The following AASS variants were observed in gnomAD, a reference collection of about 807,000 sequenced individuals.
AASS encodes the protein alpha-aminoadipic semialdehyde synthase, mitochondrial.
AASS carries 86 observed loss-of-function variants against 105.4 expected under a neutral mutation model. The ratio of observed to expected loss-of-function variants is 0.82; its 90% CI spans 0.69 to 0.98. AASS has a LOEUF of 0.98. Among genes scored for constraint, AASS ranks in the 50% least tolerant of loss-of-function variants. The pLI is 0.00. For missense variants in AASS, 1,048 were observed against 1,143.2 expected (o/e 0.92, Z 1.20); for synonymous variants, 381 against 394.8 (o/e 0.96, Z 0.41).
chr7:122,098,887 A>C (rs1408420474), intron 13 of AASS, 21 bp from the exon 14 acceptor site: 1 of 1,548,752 alleles, frequency 6.5e-7, no homozygotes, highest in East Asian at 2.3e-5. Flanking sequence ...AAAAAAAAAA[A>C]AAAAAAAAAG....
intron 2 of AASS, among the ~76,000 whole-genome samples, chr7:122,130,401 C>G (rs1795855631): frequency 6.6e-6 from 1 of 151,932 alleles, no homozygotes; most frequent in Non-Finnish European, 1.5e-5. Context: ...GGTTGAATGT[C>G]ATCATGGCTA....
At chr7:122,090,780 C>G (rs1793859250) in intron 18 of AASS, among the ~76,000 whole-genome samples, 1 of 152,134 alleles carries the variant, frequency 6.6e-6, no homozygotes, top group South Asian at 2.1e-4. Flanking sequence ...CTTGCCATCT[C>G]TTTAAGTGTA....
chr7:122,080,807 CT>C (rs1014804094), intron 20 of AASS, among the ~76,000 whole-genome samples: 3 of 151,962 alleles, frequency 2.0e-5, no homozygotes, highest in African/African-American at 2.4e-5. Context: ...AATACCAAAA[CT>C]TTTTTTTGAG....
In AASS at chr7:122,129,507, C is replaced by T. The variant is rs758599644; in HGVS notation, c.241G>A (p.Glu81Lys). ...ATTAGACAAGCTTCAGAAATATCCT[C>T]CTGAAGAATGCCACCAGCTTTGACA... ...DYVKAGGILQEDISEACLILG... is the reference protein window; with the variant it reads ...DYVKAGGILQKDISEACLILG... The change falls in exon 3 of 24, where the codon GAG becomes AAG. Residue 81 changes from glutamate to lysine, a missense_variant. Coordinates refer to ENST00000417368, the MANE Select transcript of AASS (RefSeq NM_005763.4). 1.2e-6 allele frequency: 2 copies of T among 1,613,148 alleles called. No homozygotes were observed. Among genetic ancestry groups the T allele is most frequent in the African/African-American group, 1.3e-5 (1 of 74,844 alleles).
At chr7:122,094,099 A>C (rs973387382) in intron 15 of AASS, among the ~76,000 whole-genome samples, 1 of 152,128 alleles carries the variant, frequency 6.6e-6, no homozygotes, top group Non-Finnish European at 1.5e-5. Flanking sequence ...AAGAGGGAAG[A>C]GATAAGAAGT....
intron 15 of AASS, among the ~76,000 whole-genome samples, chr7:122,096,974 T>A (rs1794183054): frequency 6.6e-6 from 1 of 152,128 alleles, no homozygotes; most frequent in Non-Finnish European, 1.5e-5. Context: ...CTATTTTGAA[T>A]CAGAATTTCT....
intron 19 of AASS, among the ~76,000 whole-genome samples, chr7:122,084,802 A>G (rs10236532): frequency 0.15 from 22,423 of 151,894 alleles, 1,882 homozygotes; most frequent in South Asian, 0.28. Flanking sequence ...AGATAAAAAG[A>G]TAATTAGAGA....
chr7:122,085,956 A>G, intron 19 of AASS, 56 bp downstream of exon 19: 4 of 1,578,106 alleles, frequency 2.5e-6, no homozygotes, highest in Non-Finnish European at 2.6e-6. Context: ...AATTAAGTGT[A>G]CACATCACTT....
chr7:122,123,351 G>C lies in AASS; in HGVS notation c.472+3024C>G, dbSNP rs150595553. On this transcript the variant is annotated intron_variant, in intron 4 of 23. Transcript: ENST00000417368. ...ATAATTTCTCCAGACAGAAAGCCAG[G>C]GTGAACATAGAGCTCACCTCATCTA... Among the ~76,000 whole-genome samples, 8 of 152,212 alleles carry C rather than the reference G, an allele frequency of 5.3e-5. No individual in the cohort carries two copies. In the East Asian group the frequency reaches 1.4e-3, roughly 26 times the overall value.
At chr7:122,139,175 T>C (rs1012982430) in intron 1 of AASS, among the ~76,000 whole-genome samples, 3 of 152,180 alleles carry the variant, frequency 2.0e-5, no homozygotes, top group Non-Finnish European at 4.4e-5. Context: ...AGAAAGTCTC[T>C]TGATAGAGTT....
intron 16 of AASS, 32 bp downstream of exon 16, chr7:122,093,016 C>A: frequency 6.2e-7 from 1 of 1,609,648 alleles, no homozygotes; most frequent in South Asian, 1.1e-5. Context: ...GCCATGGATC[C>A]ACTCAGTTTG....
At chr7:122,106,188 T>G (rs527788844) in intron 11 of AASS, among the ~76,000 whole-genome samples, 1 of 152,148 alleles carries the variant, frequency 6.6e-6, no homozygotes, top group Non-Finnish European at 1.5e-5. Flanking sequence ...TCTCTTCCTA[T>G]TTGAATGCTT....
intron 6 of AASS, 39 bp from the exon 7 acceptor site, chr7:122,116,996 G>C: frequency 6.4e-7 from 1 of 1,553,796 alleles, no homozygotes; most frequent in Non-Finnish European, 8.9e-7. Context: ...AAAATCAATA[G>C]AAAAAGAACC....
In AASS at chr7:122,074,205, C is replaced by A. The variant is rs1478694805; in HGVS notation, c.*2284G>T. Among the ~76,000 whole-genome samples, 2 of 152,080 alleles carry A rather than the reference C, an allele frequency of 1.3e-5. No individual in the cohort carries two copies. The highest frequency in any genetic ancestry group is 6.6e-5 in the Admixed American group (1 of 15,258). On this transcript the variant is annotated 3_prime_UTR_variant, in exon 24 of 24. Coordinates refer to ENST00000417368, the MANE Select transcript of AASS (RefSeq NM_005763.4). ...TTAAGTGATATCTCATTGTAGATCT[C>A]ATTTGCATTTCCCTGATGGCTAGTG...
chr7:122,106,435 C>A (rs1464428047), intron 11 of AASS, among the ~76,000 whole-genome samples: 1 of 151,766 alleles, frequency 6.6e-6, no homozygotes, highest in Non-Finnish European at 1.5e-5. Context: ...CAAAAAGAAG[C>A]AGAATAGCCA....
chr7:122,091,830 A>G lies in AASS; in HGVS notation c.1889T>C (p.Ile630Thr). The stretch of plus-strand genomic sequence containing the variant: ...GGCTGGAAGCCCACCACAGTAGGAA[A>G]TATATGATTCAATCTATAAATTAAA... The part of the protein sequence containing the change: ...KEVGATIESY[I>T]SYCGGLPAPE... The change falls in exon 18 of 24, where the codon ATT (isoleucine) becomes ACT (threonine). Residue 630 changes from isoleucine (I) to threonine (T), a missense_variant. Transcript: ENST00000417368. 3 of 1,606,852 alleles carry G rather than the reference A, an allele frequency of 1.9e-6. No homozygotes were observed. Among genetic ancestry groups the G allele is most frequent in the Non-Finnish European group, 2.6e-6 (3 of 1,173,844 alleles).
intron 3 of AASS, 60 bp from the exon 4 acceptor site, chr7:122,126,519 G>C: frequency 7.5e-7 from 1 of 1,326,420 alleles, no homozygotes; most frequent in Non-Finnish European, 1.1e-6. Context: ...AACAAGTAAA[G>C]ACATATATGA....
intron 15 of AASS, among the ~76,000 whole-genome samples, chr7:122,093,923 T>C (rs540187424): frequency 2.0e-5 from 3 of 152,256 alleles, no homozygotes; most frequent in Non-Finnish European, 4.4e-5. Flanking sequence ...AAGAATGAAA[T>C]AGTGTTCTTT....
intron 22 of AASS, among the ~76,000 whole-genome samples, chr7:122,078,544 A>G (rs1005421044): frequency 1.3e-5 from 2 of 151,498 alleles, no homozygotes; most frequent in Non-Finnish European, 2.9e-5. Flanking sequence ...CCTGGGAGGC[A>G]GAGGTACAGT....
Sources: allele counts gnomAD v4.1 joint callset (sites outside exome capture counted in the v4.1 genomes callset), GRCh38; gene constraint gnomAD v4.1.1; transcripts MANE v1.5; gene names NCBI Gene and HGNC (gene_info 2026-07-23, HGNC 2026-07-21).